The following LRP1B variants were observed in gnomAD, a reference collection of about 807,000 sequenced individuals.
LRP1B encodes LDL receptor related protein 1B.
LRP1B carries 217 observed loss-of-function variants against 556.6 expected under a neutral mutation model. That is an observed-to-expected ratio of 0.39 (90% CI 0.35 to 0.44). The LOEUF (loss-of-function observed/expected upper bound fraction) is 0.44, where lower values mean the gene tolerates loss of function less well. Among genes scored for constraint, LRP1B ranks in the 20% least tolerant of loss-of-function variants. LRP1B has a pLI of 1.00. For missense variants in LRP1B, 5,053 were observed against 5,620.8 expected, an observed-to-expected ratio of 0.90 and a Z score of 3.23; for synonymous variants, 2,047 against 1,865.8, an observed-to-expected ratio of 1.10 and a Z score of -2.50.
chr2:141,414,202 A>C (rs529491264), intron 3 of LRP1B, among the ~76,000 whole-genome samples: 75 of 146,270 alleles, frequency 5.1e-4, no homozygotes, highest in Non-Finnish European at 6.7e-4. Flanking sequence ...GCGCCACTGC[A>C]CTCCAGCCTG....
intron 41 of LRP1B, among the ~76,000 whole-genome samples, chr2:140,608,032 T>A (rs187811906): frequency 2.2e-3 from 332 of 151,918 alleles, no homozygotes; most frequent in African/African-American, 7.6e-3. Flanking sequence ...AAAATAATAA[T>A]TTTTTCCACC....
chr2:140,749,860 A>G lies in LRP1B; in HGVS notation c.5758+19353T>C, dbSNP rs1453100693. On this transcript the variant is annotated intron_variant, in intron 35 of 90. Coordinates refer to ENST00000389484, the MANE Select transcript of LRP1B (RefSeq NM_018557.3). ...TATACTGTACATAATTTTATGTGCT[A>G]TACTTTCATATGACTGACAGTGCAG... 3.9e-5 allele frequency among the ~76,000 whole-genome samples: 6 copies of G among 152,204 alleles called. No individual in the cohort carries two copies. In the South Asian group the frequency reaches 1.2e-3, roughly 31 times the overall value.
chr2:141,115,541 C>T (rs1574088213), intron 7 of LRP1B, among the ~76,000 whole-genome samples: 1 of 143,650 alleles, frequency 7.0e-6, no homozygotes, highest in South Asian at 2.2e-4. Flanking sequence ...ATTGCAAGCT[C>T]CGCCTCCCGA....
At chr2:140,775,493 A>G (rs1689463661) in intron 33 of LRP1B, among the ~76,000 whole-genome samples, 7 of 110,110 alleles carry the variant, frequency 6.4e-5, no homozygotes, top group Admixed American at 6.2e-4. Context: ...TTTTTTTTAG[A>G]AAGAGAATTG....
intron 1 of LRP1B, among the ~76,000 whole-genome samples, chr2:141,841,210 CTTA>C (rs1426010636): frequency 2.0e-5 from 3 of 151,974 alleles, no homozygotes; most frequent in Non-Finnish European, 4.4e-5. Flanking sequence ...TTGGAGAGGG[CTTA>C]TTGAGTGTTA....
chr2:142,117,688 A>G (rs1042119719), intron 1 of LRP1B, among the ~76,000 whole-genome samples: 14 of 151,994 alleles, frequency 9.2e-5, no homozygotes. Flanking sequence ...GATAGGCAAT[A>G]TTTAAAACTT....
At chr2:140,873,715 A>C (rs1172873201) in intron 25 of LRP1B, among the ~76,000 whole-genome samples, 1 of 151,968 alleles carries the variant, frequency 6.6e-6, no homozygotes, top group African/African-American at 2.4e-5. Context: ...AACTCATCAT[A>C]ATTTAGATCC....
At chr2:141,031,565 A>AC (rs1698372187) in intron 11 of LRP1B, among the ~76,000 whole-genome samples, 1 of 151,990 alleles carries the variant, frequency 6.6e-6, no homozygotes, top group Non-Finnish European at 1.5e-5. Context: ...CAAAATAATT[A>AC]AATATGTATA....
intron 3 of LRP1B, among the ~76,000 whole-genome samples, chr2:141,353,079 T>C (rs1044381212): frequency 1.3e-5 from 2 of 151,916 alleles, no homozygotes; most frequent in African/African-American, 2.4e-5. Context: ...AAACTGTGAG[T>C]CATGTCATAA....
chr2:141,045,276 G>T (rs1490449405), intron 11 of LRP1B, among the ~76,000 whole-genome samples: 16 of 111,552 alleles, frequency 1.4e-4, no homozygotes, highest in African/African-American at 4.7e-4. Context: ...GTTGTGGGGT[G>T]GGGGGAGGGG....
chr2:140,948,628 T>C (rs1469707524), intron 20 of LRP1B, among the ~76,000 whole-genome samples: 1 of 152,238 alleles, frequency 6.6e-6, no homozygotes, highest in Non-Finnish European at 1.5e-5. Flanking sequence ...TTAAATCTTA[T>C]AGGATGTCAC....
At chr2:141,010,165 A>T (rs1158189236) in intron 14 of LRP1B, among the ~76,000 whole-genome samples, 1 of 152,066 alleles carries the variant, frequency 6.6e-6, no homozygotes, top group African/African-American at 2.4e-5. Context: ...CCTTATTAAA[A>T]TATTACTTAG....
intron 2 of LRP1B, among the ~76,000 whole-genome samples, chr2:141,604,566 T>G (rs1203311874): frequency 6.6e-6 from 1 of 152,172 alleles, no homozygotes; most frequent in African/African-American, 2.4e-5. Flanking sequence ...CATTTTCTTC[T>G]GATTGATCCT....
rs186622966 is a variant in LRP1B, at chr2:141,203,313, C to T, written c.851-14730G>A. Among the ~76,000 whole-genome samples the T allele has an allele frequency of 2.5e-3, 378 of 151,102 alleles. 1 individual carries two copies. The highest frequency in any genetic ancestry group is 8.1e-3 in the African/African-American group (333 of 41,080). On this transcript the variant is annotated intron_variant, in intron 6 of 90. Transcript: ENST00000389484. ...GAGACCCATCTCACATGCAAAGACA[C>T]ACATAGGCTCAAAGTAAAGGGATGG...
At chr2:141,874,815 T>C (rs1159670046) in intron 1 of LRP1B, among the ~76,000 whole-genome samples, 1 of 151,982 alleles carries the variant, frequency 6.6e-6, no homozygotes, top group Non-Finnish European at 1.5e-5. Flanking sequence ...AAGACACTTT[T>C]AAGCTAATCT....
intron 35 of LRP1B, among the ~76,000 whole-genome samples, chr2:140,746,096 GT>G (rs1423615111): frequency 1.3e-5 from 2 of 152,064 alleles, no homozygotes; most frequent in African/African-American, 2.4e-5. Context: ...AATATGGGAA[GT>G]TGTCCAGCCT....
intron 27 of LRP1B, among the ~76,000 whole-genome samples, chr2:140,853,827 AG>A (rs1692531762): frequency 6.6e-6 from 1 of 152,136 alleles, no homozygotes; most frequent in Non-Finnish European, 1.5e-5. Context: ...ACACAGAGTA[AG>A]TAGTTCTTAT....
chr2:141,490,266 A>G (rs771473025), intron 2 of LRP1B, among the ~76,000 whole-genome samples: 1 of 152,050 alleles, frequency 6.6e-6, no homozygotes, highest in Non-Finnish European at 1.5e-5. Context: ...CAAAGTACCG[A>G]TGGTATGTAT....
intron 25 of LRP1B, among the ~76,000 whole-genome samples, chr2:140,868,723 G>A (rs575735265): frequency 1.3e-5 from 2 of 152,200 alleles, no homozygotes; most frequent in South Asian, 4.1e-4. Context: ...GAGAGGGGAG[G>A]AATAGGATGA....
Sources: gnomAD v4.1 joint callset for allele counts (sites outside exome capture counted in the v4.1 genomes callset) on GRCh38, gnomAD v4.1.1 for gene constraint, MANE v1.5 for transcripts, NCBI Gene and HGNC (gene_info 2026-07-23, HGNC 2026-07-21) for gene names.